The following PCDHGA6 variants were observed in gnomAD, a reference collection of about 807,000 sequenced individuals.
PCDHGA6 encodes protocadherin gamma-A6.
A neutral mutation model predicts 60.6 loss-of-function variants in PCDHGA6; 41 were observed. The ratio of observed to expected loss-of-function variants is 0.68; its 90% CI spans 0.53 to 0.88. PCDHGA6 has a LOEUF of 0.88. Ranked by LOEUF, PCDHGA6 falls within the 40% of genes least tolerant of loss-of-function variation. The probability of loss-of-function intolerance (pLI) is 0.00; values close to 1 mark genes in which losing one functional copy is unlikely to be tolerated. For missense variants in PCDHGA6, 1,312 were observed against 1,203.0 expected, an observed-to-expected ratio of 1.09 and a Z score of -1.34; for synonymous variants, 594 against 524.4, an observed-to-expected ratio of 1.13 and a Z score of -1.81.
intron 1 of PCDHGA6, among the ~76,000 whole-genome samples, chr5:141,467,955 G>A (rs1049980375): frequency 2.0e-5 from 3 of 151,666 alleles, no homozygotes; most frequent in Non-Finnish European, 2.9e-5. Context: ...CACCACACCC[G>A]GCTGCCAGAA....
At chr5:141,417,882 G>A (rs1170069976) in intron 1 of PCDHGA6, 8 of 1,560,746 alleles carry the variant, frequency 5.1e-6, no homozygotes, top group African/African-American at 1.4e-5. Flanking sequence ...TGCGCGCAGA[G>A]GCGCCGGGCC....
At chr5:141,404,384 G>C in intron 1 of PCDHGA6, 9 of 1,613,904 alleles carry the variant, frequency 5.6e-6, no homozygotes, top group African/African-American at 1.3e-5. Context: ...GATTGCCTAT[G>C]ACCCTGATAG....
chr5:141,490,288 G>A lies in PCDHGA6; in HGVS notation c.2425-4519G>A. On this transcript the variant is annotated intron_variant, in intron 1 of 3. Coordinates refer to ENST00000517434, the MANE Select transcript of PCDHGA6 (RefSeq NM_018919.3). The surrounding 1 kb of genome is among the most constrained non-coding windows in gnomAD (Gnocchi z 5.4). ...GGATGTCAATGACAATGCCCCAGAG[G>A]TGCTATTGGCCTCTTTGGCCAACCC... The A allele has an allele frequency of 3.7e-6, 6 of 1,614,198 alleles. No individual in the cohort carries two copies. The highest frequency in any genetic ancestry group is 5.1e-6 in the Non-Finnish European group (6 of 1,180,042).
At chr5:141,455,558 G>A (rs1261373189) in intron 1 of PCDHGA6, among the ~76,000 whole-genome samples, 1 of 152,142 alleles carries the variant, frequency 6.6e-6, no homozygotes, top group East Asian at 1.9e-4. Flanking sequence ...CCGAGAAAAA[G>A]CTGGCCCTCC....
At chr5:141,428,097 C>T (rs2097109296) in intron 1 of PCDHGA6, 2 of 1,608,758 alleles carry the variant, frequency 1.2e-6, no homozygotes, top group African/African-American at 1.3e-5. Flanking sequence ...GCTGTCCTAC[C>T]ACGTGCTGCA....
chr5:141,399,659 T>A (rs1277891886), intron 1 of PCDHGA6: 1 of 1,613,684 alleles, frequency 6.2e-7, no homozygotes, highest in African/African-American at 1.3e-5. Flanking sequence ...GGGGTGGTGT[T>A]CGCGCAGCGC....
intron 2 of PCDHGA6, among the ~76,000 whole-genome samples, chr5:141,498,967 G>A (rs896386012): frequency 1.5e-5 from 2 of 129,584 alleles, no homozygotes. Context: ...GAGGGAGGGA[G>A]GGAGGGAAGG....
At position 141,431,098 on chromosome 5, in the gene PCDHGA6, A is replaced by G; in HGVS notation, c.2424+54591A>G. The G allele has an allele frequency of 6.2e-7, 1 of 1,614,260 alleles. No homozygotes were observed. The highest frequency in any genetic ancestry group is 8.5e-7 in the Non-Finnish European group (1 of 1,180,040). On this transcript the variant is annotated intron_variant, in intron 1 of 3. Transcript: ENST00000517434. This position sits in a 1 kb window ranked among gnomAD's most constrained non-coding sequence, Gnocchi z 4.8. ...ATCTAGACATTCTGATGGAGGATAA[A>G]GTGAAAATATATGGAGTAGAAGTAG...
intron 1 of PCDHGA6, chr5:141,403,303 C>T (rs1561687273): frequency 1.9e-6 from 3 of 1,613,820 alleles, no homozygotes; most frequent in South Asian, 2.2e-5. Flanking sequence ...TGAAACTGTA[C>T]GGAATAGAAA....
At position 141,489,185 on chromosome 5, in the gene PCDHGA6, T is replaced by TCTA; in HGVS notation, c.2425-5620_2425-5618dup. Reference sequence around the variant, plus strand: ...CAGCTGCTGCATTCCAAGCCCTGGGTCTACCTTGGAGACAGGACAGCACAG... The same window carrying TCTA: ...CAGCTGCTGCATTCCAAGCCCTGGGTCTACTACCTTGGAGACAGGACAGCACAG... On this transcript the variant is annotated intron_variant, in intron 1 of 3. Coordinates refer to ENST00000517434, the MANE Select transcript of PCDHGA6 (RefSeq NM_018919.3). This position sits in a 1 kb window ranked among gnomAD's most constrained non-coding sequence, Gnocchi z 4.5. 7.8e-7 allele frequency: 1 copy of TCTA among 1,286,838 alleles called. No homozygotes were observed. The highest frequency in any genetic ancestry group is 1.5e-5 in the South Asian group (1 of 65,798). The allele number at this position is 1,286,838 out of a possible 1,614,324, so 79.7% of individuals were successfully genotyped here.
Position 141,439,440 on chromosome 5 carries a change from A to T in PCDHGA6, c.2425-55367A>T, listed in dbSNP as rs147662506. 1.4e-3 allele frequency among the ~76,000 whole-genome samples: 212 copies of T among 152,330 alleles called. 1 individual carries two copies. The highest frequency in any genetic ancestry group is 4.8e-3 in the African/African-American group (198 of 41,576). On this transcript the variant is annotated intron_variant, in intron 1 of 3. Transcript: ENST00000517434. Reference sequence around the variant, plus strand: ...GGTTATAAATTCCCAGGAATATTTTATTGCGGGAGCAAGACTGCACTGCTG... The same window carrying T: ...GGTTATAAATTCCCAGGAATATTTTTTTGCGGGAGCAAGACTGCACTGCTG...
intron 1 of PCDHGA6, among the ~76,000 whole-genome samples, chr5:141,492,876 G>A (rs2099744774): frequency 6.6e-6 from 1 of 152,184 alleles, no homozygotes; most frequent in African/African-American, 2.4e-5. Context: ...TCAACCCCCA[G>A]AGATACAGGC....
Position 141,487,298 on chromosome 5 carries a change from G to T in PCDHGA6, c.2425-7509G>T. 6.2e-7 allele frequency: 1 copy of T among 1,614,072 alleles called. No individual in the cohort carries two copies. Among genetic ancestry groups the T allele is most frequent in the Non-Finnish European group, 8.5e-7 (1 of 1,180,018 alleles). ...TTGCTTTGTCTCCTTTGGCTCATTC[G>T]TGGCACTACTCTCTAAGTGTCTTCG... On this transcript the variant is annotated intron_variant, in intron 1 of 3. Coordinates refer to ENST00000517434, the MANE Select transcript of PCDHGA6 (RefSeq NM_018919.3). This position sits in a 1 kb window ranked among gnomAD's most constrained non-coding sequence, Gnocchi z 5.0.
intron 1 of PCDHGA6, chr5:141,408,803 G>T: frequency 6.2e-7 from 1 of 1,613,150 alleles, no homozygotes; most frequent in South Asian, 1.1e-5. Flanking sequence ...GAAACTCCTA[G>T]ACCGGGAAGA....
intron 1 of PCDHGA6, among the ~76,000 whole-genome samples, chr5:141,444,977 T>A (rs2098452876): frequency 1.3e-5 from 2 of 152,200 alleles, no homozygotes; most frequent in South Asian, 4.1e-4. Flanking sequence ...TTCAAATCCA[T>A]GAACATGGTA....
At chr5:141,504,340 G>C (rs1240423982) in intron 2 of PCDHGA6, among the ~76,000 whole-genome samples, 1 of 152,062 alleles carries the variant, frequency 6.6e-6, no homozygotes, top group Non-Finnish European at 1.5e-5. Flanking sequence ...CAAGTGCTAG[G>C]CTTTGTGCTA....
chr5:141,429,395 A>T (rs545207705), intron 1 of PCDHGA6, among the ~76,000 whole-genome samples: 166 of 152,126 alleles, frequency 1.1e-3, no homozygotes, highest in African/African-American at 3.8e-3. Flanking sequence ...TTTAAAAAAA[A>T]TTGAGATTAA....
At position 141,489,083 on chromosome 5, in the gene PCDHGA6, T is replaced by G; in HGVS notation, c.2425-5724T>G. On this transcript the variant is annotated intron_variant, in intron 1 of 3. Coordinates refer to ENST00000517434, the MANE Select transcript of PCDHGA6 (RefSeq NM_018919.3). This position sits in a 1 kb window ranked among gnomAD's most constrained non-coding sequence, Gnocchi z 4.5. ...CCTCCCCCCTGCCCACCCCCGCCACTCGGTGACTAAGAACTGCTGCAAGCA... is the reference window on the plus strand; with the variant it reads ...CCTCCCCCCTGCCCACCCCCGCCACGCGGTGACTAAGAACTGCTGCAAGCA... The G allele has an allele frequency of 1.2e-5, 2 of 172,008 alleles. No individual in the cohort carries two copies. Among genetic ancestry groups the G allele is most frequent in the Non-Finnish European group, 2.1e-5 (2 of 94,012 alleles). The allele number at this position is 172,008 out of a possible 1,614,324, so 10.7% of individuals were successfully genotyped here. A position where few individuals can be genotyped will look rare whatever the true frequency, so the allele number is the denominator to read the frequency against.
At chr5:141,394,189 C>T (rs543330174) in intron 1 of PCDHGA6, 1 of 1,613,892 alleles carries the variant, frequency 6.2e-7, no homozygotes, top group Admixed American at 1.7e-5. Flanking sequence ...TCCTACTCAG[C>T]GTATATCCTA....
Sources: gnomAD v4.1 joint callset for allele counts (sites outside exome capture counted in the v4.1 genomes callset) on GRCh38, gnomAD v4.1.1 for gene constraint, Gnocchi (gnomAD v3.1) non-coding constraint, MANE v1.5 for transcripts, NCBI Gene and HGNC (gene_info 2026-07-23, HGNC 2026-07-21) for gene names.